Variants in NFYB observed in about 807,000 individuals in gnomAD.
The protein encoded by NFYB is nuclear transcription factor Y subunit beta.
In NFYB, 13 loss-of-function variants were observed where a neutral mutation model predicts 28.0. That is an observed-to-expected ratio of 0.46 (90% CI 0.30 to 0.74). The LOEUF is 0.74. Among genes scored for constraint, NFYB ranks in the 30% least tolerant of loss-of-function variants. The pLI is 0.07. For missense variants in NFYB, 142 were observed against 247.6 expected (o/e 0.57, Z 2.86); for synonymous variants, 74 against 75.0 (o/e 0.99, Z 0.07).
intron 1 of NFYB, 169 bp downstream of exon 1, chr12:104,137,972 C>T (rs952288123): frequency 6.9e-6 from 1 of 145,342 alleles, no homozygotes; most frequent in African/African-American, 2.5e-5. Flanking sequence ...GCGGGAGCGG[C>T]CTCGCAGGCG....
intron 5 of NFYB, among the ~76,000 whole-genome samples, chr12:104,122,138 A>G (rs1593625732): frequency 6.6e-6 from 1 of 152,238 alleles, no homozygotes; most frequent in East Asian, 1.9e-4. Flanking sequence ...AAGAAGTAAC[A>G]TTAATGAGCA....
chr12:104,132,881 T>A (rs2030974276), intron 2 of NFYB, among the ~76,000 whole-genome samples: 1 of 152,182 alleles, frequency 6.6e-6, no homozygotes, highest in South Asian at 2.1e-4. Flanking sequence ...GCATGTAGGA[T>A]AATGACAAGG....
chr12:104,122,464 A>T (rs1593626093), intron 5 of NFYB, among the ~76,000 whole-genome samples: 1 of 152,166 alleles, frequency 6.6e-6, no homozygotes, highest in Non-Finnish European at 1.5e-5. Flanking sequence ...CCTGTTAAGA[A>T]CCCAGCCACA....
intron 1 of NFYB, among the ~76,000 whole-genome samples, chr12:104,136,165 A>G (rs1189905779): frequency 8.5e-5 from 13 of 152,232 alleles, no homozygotes. Flanking sequence ...CTAAAATTGC[A>G]TCGAAATAGC....
At chr12:104,132,558 A>C (rs529722369) in intron 2 of NFYB, among the ~76,000 whole-genome samples, 2 of 152,302 alleles carry the variant, frequency 1.3e-5, no homozygotes, top group East Asian at 3.9e-4. Context: ...TCTGGGTGAG[A>C]GCGCTGGAGA....
intron 4 of NFYB, 79 bp from the exon 5 acceptor site, chr12:104,123,502 C>G (rs552525889): frequency 9.6e-7 from 1 of 1,040,312 alleles, no homozygotes; most frequent in Admixed American, 2.1e-5. Flanking sequence ...AAAGCCTATT[C>G]AGAAGAACAC....
In NFYB at chr12:104,135,519, T is replaced by C; in HGVS notation, c.-66A>G. 1 of 1,444,854 alleles carries C rather than the reference T, an allele frequency of 6.9e-7. No individual in the cohort carries two copies. The highest frequency in any genetic ancestry group is 1.4e-5 in the South Asian group (1 of 72,432). 89.5% of individuals were successfully genotyped at this position (1,444,854 alleles called of 1,614,324 possible). A position where few individuals can be genotyped will look rare whatever the true frequency, so the allele number is the denominator to read the frequency against. On this transcript the variant is annotated 5_prime_UTR_variant, in exon 2 of 8. Coordinates refer to ENST00000240055, the MANE Select transcript of NFYB (RefSeq NM_006166.4). ...CACCTATCTAAAAAGGTGTCTAATC[T>C]TTGTGATTTCAACCTAAAAGATAAA...
At chr12:104,133,795 C>T (rs1226079929) in intron 2 of NFYB, among the ~76,000 whole-genome samples, 1 of 152,120 alleles carries the variant, frequency 6.6e-6, no homozygotes, top group Non-Finnish European at 1.5e-5. Flanking sequence ...TATCTTCAAT[C>T]CTCCTTACCA....
intron 1 of NFYB, among the ~76,000 whole-genome samples, chr12:104,136,415 A>G (rs895376056): frequency 6.6e-6 from 1 of 152,204 alleles, no homozygotes; most frequent in Non-Finnish European, 1.5e-5. Flanking sequence ...CACTGAATTG[A>G]AAGTTTTTAA....
chr12:104,122,694 CCT>C (rs1242472488), intron 5 of NFYB, among the ~76,000 whole-genome samples: 3 of 152,196 alleles, frequency 2.0e-5, no homozygotes, highest in African/African-American at 4.8e-5. Context: ...GCACCCCTCC[CCT>C]GACCCCAGAG....
At position 104,135,539 on chromosome 12, in the gene NFYB, G is replaced by T; in HGVS notation, c.-79-7C>A. 8.0e-7 allele frequency: 1 copy of T among 1,255,128 alleles called. No individual in the cohort carries two copies. Among genetic ancestry groups the T allele is most frequent in the Non-Finnish European group, 1.1e-6 (1 of 900,812 alleles). The allele number at this position is 1,255,128 out of a possible 1,614,324, so 77.7% of individuals were successfully genotyped here. The stretch of plus-strand genomic sequence containing the variant: ...TAATCTTTGTGATTTCAACCTAAAA[G>T]ATAAACATCTATTAGGACCTAACAT... On this transcript the variant is annotated splice_region_variant and splice_polypyrimidine_tract_variant and intron_variant, in intron 1 of 7. Transcript: ENST00000240055.
At chr12:104,131,968 C>T (rs1367181219) in intron 2 of NFYB, 17 of 338,758 alleles carry the variant, frequency 5.0e-5, no homozygotes. Context: ...TGGATGAGAA[C>T]AAGACTTAAC....
At chr12:104,123,136 AC>A in intron 5 of NFYB, 89 bp downstream of exon 5, 1 of 981,438 alleles carries the variant, frequency 1.0e-6, no homozygotes, top group Non-Finnish European at 1.5e-6. Context: ...AGATCTTGCC[AC>A]TGTACTCCAG....
At chr12:104,135,182 A>G (rs1214926977) in intron 2 of NFYB, among the ~76,000 whole-genome samples, 1 of 152,234 alleles carries the variant, frequency 6.6e-6, no homozygotes. Flanking sequence ...TCCCCTAAGT[A>G]TTCAATTAAT....
intron 2 of NFYB, among the ~76,000 whole-genome samples, 173 bp downstream of exon 2, chr12:104,135,275 T>C (rs947227065): frequency 2.0e-5 from 3 of 152,286 alleles, no homozygotes; most frequent in African/African-American, 4.8e-5. Context: ...GGAAATAATA[T>C]ATGCAAGAAG....
intron 2 of NFYB, among the ~76,000 whole-genome samples, chr12:104,130,451 T>C (rs898013689): frequency 6.6e-6 from 1 of 152,220 alleles, no homozygotes; most frequent in African/African-American, 2.4e-5. Context: ...ATAATTTATA[T>C]AGTTGTTGTA....
intron 6 of NFYB, 97 bp from the exon 7 acceptor site, chr12:104,120,576 T>C: frequency 2.5e-6 from 2 of 809,584 alleles, no homozygotes; most frequent in Non-Finnish European, 4.2e-6. Flanking sequence ...ATTACAATTC[T>C]GCCCGGTATC....
intron 4 of NFYB, among the ~76,000 whole-genome samples, chr12:104,124,531 G>C (rs2030607805): frequency 6.6e-6 from 1 of 152,032 alleles, no homozygotes; most frequent in Non-Finnish European, 1.5e-5. Flanking sequence ...AATATAATGT[G>C]AGCCACATAT....
chr12:104,117,288 C>T lies in NFYB; in HGVS notation c.*2449G>A, dbSNP rs2030300941. Reference sequence around the variant, plus strand: ...TTTCCCATCAGAGTATGAAGTCCAACAATGAAGTCAATACATAAAAAAGGT... The same window carrying T: ...TTTCCCATCAGAGTATGAAGTCCAATAATGAAGTCAATACATAAAAAAGGT... On this transcript the variant is annotated 3_prime_UTR_variant, in exon 8 of 8. Transcript: ENST00000240055. 1 of 152,084 alleles carries T rather than the reference C, an allele frequency of 6.6e-6. No individual in the cohort carries two copies. Among genetic ancestry groups the T allele is most frequent in the Non-Finnish European group, 1.5e-5 (1 of 68,018 alleles). The allele number at this position is 152,084 out of a possible 1,614,324, so 9.4% of individuals were successfully genotyped here. A position where few individuals can be genotyped will look rare whatever the true frequency, so the allele number is the denominator to read the frequency against.
Sources: allele counts gnomAD v4.1 joint callset (sites outside exome capture counted in the v4.1 genomes callset), GRCh38; gene constraint gnomAD v4.1.1; transcripts MANE v1.5; gene names NCBI Gene and HGNC (gene_info 2026-07-23, HGNC 2026-07-21).